Variants in ZRANB3 observed in about 807,000 individuals in gnomAD.
ZRANB3 encodes DNA annealing helicase and endonuclease ZRANB3.
A neutral mutation model predicts 133.8 loss-of-function variants in ZRANB3; 125 were observed. The observed-to-expected ratio is 0.93, with a 90% CI of 0.81 to 1.08. ZRANB3 has a LOEUF of 1.08. Among genes scored for constraint, ZRANB3 ranks in the 50% least tolerant of loss-of-function variants. ZRANB3 has a pLI of 0.00. For missense variants in ZRANB3, 1,229 were observed against 1,275.5 expected (o/e 0.96, Z 0.56); for synonymous variants, 387 against 432.7 (o/e 0.89, Z 1.31).
chr2:135,262,452 A>G (rs987862366), intron 12 of ZRANB3, among the ~76,000 whole-genome samples: 1 of 152,116 alleles, frequency 6.6e-6, no homozygotes, highest in Non-Finnish European at 1.5e-5. Flanking sequence ...ATTAAAATTA[A>G]ACTCTCTATA....
intron 12 of ZRANB3, among the ~76,000 whole-genome samples, chr2:135,260,859 ATT>A (rs201417645): frequency 0.014 from 1,972 of 145,516 alleles, 51 homozygotes; most frequent in African/African-American, 0.047. Flanking sequence ...ATTCAAGTAT[ATT>A]TGATATATAT....
intron 3 of ZRANB3, among the ~76,000 whole-genome samples, chr2:135,362,043 A>G (rs1214373884): frequency 1.3e-5 from 2 of 152,162 alleles, no homozygotes; most frequent in East Asian, 3.9e-4. Flanking sequence ...CTTAAAATAC[A>G]AACAATTAGC....
intron 6 of ZRANB3, among the ~76,000 whole-genome samples, chr2:135,324,642 T>C (rs1014616379): frequency 3.9e-5 from 6 of 152,208 alleles, no homozygotes; most frequent in Non-Finnish European, 8.8e-5. Context: ...TTCTAGATCC[T>C]TGAGGAATCG....
intron 8 of ZRANB3, among the ~76,000 whole-genome samples, chr2:135,276,337 T>C (rs1680827328): frequency 6.6e-6 from 1 of 151,896 alleles, no homozygotes; most frequent in African/African-American, 2.4e-5. Context: ...TCATTTAGCT[T>C]ATCTCTGGGA....
At chr2:135,236,598 C>A (rs1695295950) in intron 12 of ZRANB3, among the ~76,000 whole-genome samples, 1 of 152,112 alleles carries the variant, frequency 6.6e-6, no homozygotes, top group Non-Finnish European at 1.5e-5. Flanking sequence ...GAGATATAGA[C>A]CAATGGGACA....
At chr2:135,520,671 G>A (rs745446899) in intron 1 of ZRANB3, among the ~76,000 whole-genome samples, 18 of 151,824 alleles carry the variant, frequency 1.2e-4, no homozygotes, top group Non-Finnish European at 2.4e-4. Context: ...TGCAACCTCC[G>A]GCTCCTGGGT....
intron 6 of ZRANB3, among the ~76,000 whole-genome samples, chr2:135,344,567 C>G (rs1042783677): frequency 6.6e-6 from 1 of 152,112 alleles, no homozygotes; most frequent in Non-Finnish European, 1.5e-5. Flanking sequence ...GAAACCCCAT[C>G]TCTAGTAAAA....
intron 2 of ZRANB3, among the ~76,000 whole-genome samples, chr2:135,452,803 G>A (rs1308263453): frequency 2.0e-5 from 3 of 152,218 alleles, no homozygotes; most frequent in Non-Finnish European, 2.9e-5. Flanking sequence ...CTGCTTTCAT[G>A]GACTGGTGTT....
At chr2:135,457,408 T>C (rs1690574766) in intron 2 of ZRANB3, among the ~76,000 whole-genome samples, 1 of 152,182 alleles carries the variant, frequency 6.6e-6, no homozygotes, top group African/African-American at 2.4e-5. Context: ...TGCACTATTT[T>C]ACATTCCAAT....
chr2:135,455,169 T>C (rs71417569), intron 2 of ZRANB3, among the ~76,000 whole-genome samples: 3 of 136,282 alleles, frequency 2.2e-5, no homozygotes, highest in Non-Finnish European at 3.1e-5. Flanking sequence ...TGCCTTCTTA[T>C]ACTTTTTTTT....
chr2:135,384,759 T>C (rs1386679576), intron 3 of ZRANB3, among the ~76,000 whole-genome samples: 1 of 152,168 alleles, frequency 6.6e-6, no homozygotes, highest in Non-Finnish European at 1.5e-5. Flanking sequence ...ATTATCTCAA[T>C]AGATGCAGAA....
intron 2 of ZRANB3, among the ~76,000 whole-genome samples, chr2:135,464,703 G>A (rs1690907595): frequency 6.6e-6 from 1 of 152,104 alleles, no homozygotes; most frequent in South Asian, 2.1e-4. Context: ...CTGACAGGTA[G>A]TTCTTAAGAT....
intron 12 of ZRANB3, among the ~76,000 whole-genome samples, chr2:135,257,912 A>G (rs1679740983): frequency 6.6e-6 from 1 of 152,178 alleles, no homozygotes; most frequent in South Asian, 2.1e-4. Flanking sequence ...TGGCTGTATG[A>G]CCTCGGGCAG....
At chr2:135,345,683 A>G in intron 5 of ZRANB3, 48 bp from the exon 6 acceptor site, 1 of 1,297,114 alleles carries the variant, frequency 7.7e-7, no homozygotes. Context: ...TTTCAAGTAA[A>G]TTATTATTAC....
intron 2 of ZRANB3, among the ~76,000 whole-genome samples, chr2:135,500,205 A>G (rs1046195932): frequency 2.7e-5 from 4 of 150,220 alleles, no homozygotes; most frequent in African/African-American, 1.0e-4. Context: ...TGATAGTCCT[A>G]GCAAACTAAT....
At chr2:135,451,327 C>A (rs1442652890) in intron 2 of ZRANB3, among the ~76,000 whole-genome samples, 1 of 151,876 alleles carries the variant, frequency 6.6e-6, no homozygotes, top group Non-Finnish European at 1.5e-5. Flanking sequence ...TTTCAGAGGC[C>A]GAGGCAGACA....
At chr2:135,206,833 C>T (rs1054530821) in intron 19 of ZRANB3, among the ~76,000 whole-genome samples, 1 of 151,822 alleles carries the variant, frequency 6.6e-6, no homozygotes, top group Non-Finnish European at 1.5e-5. Flanking sequence ...TGAAAATATT[C>T]AAGAGTGAAA....
In ZRANB3 at chr2:135,227,962, A is replaced by C; in HGVS notation, c.2008T>G (p.Ser670Ala). 1 of 1,552,314 alleles carries C rather than the reference A, an allele frequency of 6.4e-7. No homozygotes were observed. Among genetic ancestry groups the C allele is most frequent in the Non-Finnish European group, 8.7e-7 (1 of 1,147,136 alleles). ...HIQDKNEKDD[S>A]QKDTSKKVQT... The stretch of plus-strand genomic sequence containing the variant: ...ACCTTTTTGGAGGTGTCTTTCTGAG[A>C]ATCATCCTTCTCGTTTTTATCCTGG... Residue 670 changes from serine to alanine, a missense_variant, in exon 14 of 21, where the codon TCT becomes GCT. Coordinates refer to ENST00000264159, the MANE Select transcript of ZRANB3 (RefSeq NM_032143.4).
intron 8 of ZRANB3, among the ~76,000 whole-genome samples, chr2:135,281,946 T>C (rs1179798905): frequency 6.6e-6 from 1 of 152,228 alleles, no homozygotes; most frequent in Non-Finnish European, 1.5e-5. Context: ...TCCATATAAA[T>C]GGAATCATAT....
Sources: allele counts gnomAD v4.1 joint callset (sites outside exome capture counted in the v4.1 genomes callset), GRCh38; gene constraint gnomAD v4.1.1; transcripts MANE v1.5; gene names NCBI Gene and HGNC (gene_info 2026-07-23, HGNC 2026-07-21).